Variants in SEC14L2 observed in about 807,000 individuals in gnomAD.
SEC14L2 encodes the protein SEC14-like protein 2.
In SEC14L2, 50 loss-of-function variants were observed where a neutral mutation model predicts 56.9. The observed-to-expected ratio is 0.88, with a 90% CI of 0.70 to 1.11. The LOEUF (loss-of-function observed/expected upper bound fraction) is 1.11, where lower values mean the gene tolerates loss of function less well. Among genes scored for constraint, SEC14L2 ranks in the 50% most tolerant of loss-of-function variants. The pLI, the probability that SEC14L2 is intolerant of heterozygous loss-of-function variation, is 0.00. For synonymous variants in SEC14L2, 179 were observed against 188.5 expected (o/e 0.95, Z 0.41); for missense variants, 414 against 500.7 (o/e 0.83, Z 1.65).
At chr22:30,420,111 G>A (rs757948275) in intron 11 of SEC14L2, among the ~76,000 whole-genome samples, 1 of 152,040 alleles carries the variant, frequency 6.6e-6, no homozygotes, top group Non-Finnish European at 1.5e-5. Context: ...GGGCCACCAC[G>A]CCTGGCTAAT....
Position 30,400,691 on chromosome 22 carries a change from C to T in SEC14L2, c.130+973C>T, listed in dbSNP as rs145904533. Reference sequence around the variant, plus strand: ...GGCAGATCACTTGAGGCCAGGACTTCGAGACCAGCCTGGCTGACATGGTGA... The same window carrying T: ...GGCAGATCACTTGAGGCCAGGACTTTGAGACCAGCCTGGCTGACATGGTGA... On this transcript the variant is annotated intron_variant, in intron 2 of 11. Transcript: ENST00000615189. Among the ~76,000 whole-genome samples, 464 of 151,748 alleles carry T rather than the reference C, an allele frequency of 3.1e-3. 3 individuals carry two copies. The highest frequency in any genetic ancestry group is 0.011 in the African/African-American group (446 of 41,398).
chr22:30,416,125 A>C (rs1934383995), intron 10 of SEC14L2, 38 bp downstream of exon 10: 1 of 1,613,194 alleles, frequency 6.2e-7, no homozygotes, highest in Non-Finnish European at 8.5e-7. Flanking sequence ...CCGAGCTTTC[A>C]TCTATAGGTC....
At chr22:30,409,071 G>A in intron 5 of SEC14L2, 116 bp from the exon 6 acceptor site, 1 of 932,074 alleles carries the variant, frequency 1.1e-6, no homozygotes, top group Non-Finnish European at 1.8e-6. Context: ...TCTAGGTCCG[G>A]CCCTAACTAG....
chr22:30,410,209 G>A (rs1046581713), intron 7 of SEC14L2, among the ~76,000 whole-genome samples: 3 of 152,108 alleles, frequency 2.0e-5, no homozygotes, highest in Non-Finnish European at 2.9e-5. Flanking sequence ...GCTGCAGTGA[G>A]CTATGATTGT....
intron 9 of SEC14L2, 39 bp from the exon 10 acceptor site, chr22:30,415,909 C>T (rs777886945): frequency 7.5e-5 from 121 of 1,614,008 alleles, no homozygotes; most frequent in Non-Finnish European, 9.6e-5. Flanking sequence ...ATGCCTGGCT[C>T]AAATGCACAT....
chr22:30,406,393 A>T lies in SEC14L2; in HGVS notation c.174+8A>T, dbSNP rs748187078. ...GAGGCCATGCTCCGGAAGGTGAGAC[A>T]CATTTGGCTGTTGCTTCAGTTCCTC... On this transcript the variant is annotated splice_region_variant and intron_variant, in intron 3 of 11. Transcript: ENST00000615189. 6.2e-7 allele frequency: 1 copy of T among 1,613,948 alleles called. No individual in the cohort carries two copies. Among genetic ancestry groups the T allele is most frequent in the African/African-American group, 1.3e-5 (1 of 74,930 alleles).
rs763139408 is a variant in SEC14L2, at chr22:30,399,628, T to C, written c.55-15T>C. The C allele has an allele frequency of 1.2e-6, 2 of 1,608,564 alleles. No individual in the cohort carries two copies. Among genetic ancestry groups the C allele is most frequent in the African/African-American group, 1.3e-5 (1 of 74,730 alleles). ...GGGCGGGCCCTACCACTCACCCCGA[T>C]GCCTCTCCCTACAGTTTCGGGAGAA... On this transcript the variant is annotated splice_polypyrimidine_tract_variant and intron_variant, in intron 1 of 11. Transcript: ENST00000615189.
Position 30,409,207 on chromosome 22 carries a change from C to T in SEC14L2, c.444C>T (p.Thr148=), listed in dbSNP as rs1375496358. The T allele has an allele frequency of 1.2e-6, 2 of 1,613,656 alleles. No individual in the cohort carries two copies. Among genetic ancestry groups the T allele is most frequent in the Non-Finnish European group, 1.7e-6 (2 of 1,179,864 alleles). Residue 148 remains threonine (T), a synonymous_variant, in exon 6 of 12, where the codon ACC becomes ACT. Coordinates refer to ENST00000615189, the MANE Select transcript of SEC14L2 (RefSeq NM_012429.5). The part of the protein sequence containing the change: ...QTTKLGRKVE[T]ITIIYDCEGL... ...TGCAGTTGGGGAGGAAGGTGGAGAC[C>T]ATCACCATAATTTATGACTGCGAGG...
chr22:30,412,289 G>A (rs761714001), intron 8 of SEC14L2, among the ~76,000 whole-genome samples: 9 of 152,088 alleles, frequency 5.9e-5, no homozygotes, highest in Non-Finnish European at 8.8e-5. Flanking sequence ...TGTGCATAGT[G>A]GCACATACCA....
At position 30,425,122 on chromosome 22, in the gene SEC14L2, A is replaced by G. The variant is rs114197623; in HGVS notation, c.*2715A>G. The G allele has an allele frequency of 8.6e-4, 193 of 223,316 alleles. No individual in the cohort carries two copies. Among genetic ancestry groups the G allele is most frequent in the African/African-American group, 4.2e-3 (180 of 43,312 alleles). The allele number at this position is 223,316 out of a possible 1,614,324, so 13.8% of individuals were successfully genotyped here. ...CCACACTGTTTGGATTCAAATCACA[A>G]CTTCACCACTTAGCAGCTGTGTGTT... is the stretch of plus-strand genomic sequence containing the variant. On this transcript the variant is annotated 3_prime_UTR_variant, in exon 12 of 12. Coordinates refer to ENST00000615189, the MANE Select transcript of SEC14L2 (RefSeq NM_012429.5).
chr22:30,399,591 G>C (rs1275385825), intron 1 of SEC14L2, 52 bp from the exon 2 acceptor site: 1 of 1,386,538 alleles, frequency 7.2e-7, no homozygotes. Context: ...CCTAGGCAGA[G>C]GGCAGCAGTC....
chr22:30,410,314 C>T (rs1460473788), intron 7 of SEC14L2, among the ~76,000 whole-genome samples: 1 of 152,252 alleles, frequency 6.6e-6, no homozygotes, highest in Non-Finnish European at 1.5e-5. Flanking sequence ...GACTACTTTA[C>T]AACTCACAGA....
rs1016523532 is a variant in SEC14L2, at chr22:30,416,383, C to A, written c.1061C>A (p.Thr354Asn). 6.2e-7 allele frequency: 1 copy of A among 1,614,120 alleles called. No individual in the cohort carries two copies. Among genetic ancestry groups the A allele is most frequent in the South Asian group, 1.1e-5 (1 of 91,094 alleles). The change falls in exon 11 of 12, where the codon ACC becomes AAC. Residue 354 changes from threonine to asparagine, a missense_variant. By Grantham distance (65) the Thr-to-Asn change is moderately conservative. Transcript: ENST00000615189. ...SHLVPEDGTL[T>N]CSDPGIYVLR... is the part of the protein sequence containing the mutation. Reference sequence around the variant, plus strand: ...CTGGTCCCTGAAGATGGGACCCTCACCTGCAGTGATCCTGGCATCTGTAAG... The same window carrying A: ...CTGGTCCCTGAAGATGGGACCCTCAACTGCAGTGATCCTGGCATCTGTAAG...
rs560188759 is a variant in SEC14L2 at position 30,412,756 on chromosome 22, G to A, written c.664+2077G>A. On this transcript the variant is annotated intron_variant, in intron 8 of 11. Coordinates refer to ENST00000615189, the MANE Select transcript of SEC14L2 (RefSeq NM_012429.5). ...GGAGGATCGCTTAGCCCAGGAGTTC[G>A]AGGCTGTGGTGAGTCATGATGGGTG... Among the ~76,000 whole-genome samples, 22 of 150,698 alleles carry A rather than the reference G, an allele frequency of 1.5e-4. No individual in the cohort carries two copies. In the East Asian group the frequency reaches 3.9e-3, roughly 27 times the overall value.
intron 11 of SEC14L2, among the ~76,000 whole-genome samples, chr22:30,419,278 G>A (rs1020593868): frequency 2.6e-5 from 4 of 152,230 alleles, no homozygotes; most frequent in South Asian, 2.1e-4. Flanking sequence ...ATGGCCGGGC[G>A]TGGTGGCTCA....
chr22:30,407,320 A>T, intron 4 of SEC14L2, 95 bp from the exon 5 acceptor site: 3 of 1,478,808 alleles, frequency 2.0e-6, no homozygotes, highest in Non-Finnish European at 2.8e-6. Context: ...AGAGGGAGGT[A>T]GAGAAAGATA....
rs527793090 is a variant in SEC14L2, at chr22:30,424,637, G to A, written c.*2230G>A. The A allele has an allele frequency of 1.1e-5, 5 of 451,882 alleles. No homozygotes were observed. The highest frequency in any genetic ancestry group is 2.2e-5 in the Non-Finnish European group (5 of 225,036). 28.0% of individuals were successfully genotyped at this position (451,882 alleles called of 1,614,324 possible). ...AAGAGCTTGGTATAAGTAAGTGCTC[G>A]TCAATGTTGGCTACTCTCATTTTTT... On this transcript the variant is annotated 3_prime_UTR_variant, in exon 12 of 12. Transcript: ENST00000615189.
chr22:30,420,407 C>T (rs1053696864), intron 11 of SEC14L2: 1 of 152,252 alleles, frequency 6.6e-6, no homozygotes, highest in Admixed American at 6.5e-5. Flanking sequence ...CCACTTCCCT[C>T]TGGCCTGTGG....
chr22:30,416,177 C>T (rs779470235), intron 10 of SEC14L2, 57 bp from the exon 11 acceptor site: 22 of 1,608,790 alleles, frequency 1.4e-5, no homozygotes, highest in Non-Finnish European at 1.7e-5. Context: ...GGTGCCAGGA[C>T]CCCGGAGAGG....
Sources: gnomAD v4.1 joint callset for allele counts (sites outside exome capture counted in the v4.1 genomes callset) on GRCh38, gnomAD v4.1.1 for gene constraint, MANE v1.5 for transcripts, NCBI Gene and HGNC (gene_info 2026-07-23, HGNC 2026-07-21) for gene names.